Variants in DIP2A observed in about 807,000 individuals in gnomAD.
DIP2A encodes the protein DIP2 acetate--CoA ligase A.
DIP2A carries 85 observed loss-of-function variants against 177.4 expected under a neutral mutation model. The ratio of observed to expected loss-of-function variants is 0.48; its 90% CI spans 0.40 to 0.57. The LOEUF is 0.57. Ranked by LOEUF, DIP2A falls within the 20% of genes least tolerant of loss-of-function variation. The pLI is 0.00. For synonymous variants in DIP2A, 886 were observed against 881.8 expected (o/e 1.00, Z -0.08); for missense variants, 1,791 against 2,100.2 (o/e 0.85, Z 2.88).
At chr21:46,464,704 C>CT (rs1466424084) in intron 1 of DIP2A, among the ~76,000 whole-genome samples, 1 of 152,006 alleles carries the variant, frequency 6.6e-6, no homozygotes, top group African/African-American at 2.4e-5. Flanking sequence ...TTCCTGATAA[C>CT]TAACCTGTCC....
chr21:46,532,813 A>T (rs1238894952), intron 10 of DIP2A, among the ~76,000 whole-genome samples: 1 of 152,166 alleles, frequency 6.6e-6, no homozygotes, highest in African/African-American at 2.4e-5. Context: ...TGATATAACT[A>T]TCAATAATAT....
chr21:46,462,827 T>C (rs2054437930), intron 1 of DIP2A: 2 of 152,236 alleles, frequency 1.3e-5, no homozygotes, highest in Admixed American at 6.5e-5. Flanking sequence ...CTGTTGAAAG[T>C]ATCCTCTGCC....
In DIP2A at chr21:46,554,259, G is replaced by A. The variant is rs748347524; in HGVS notation, c.3121G>A (p.Val1041Ile). 1.1e-5 allele frequency: 17 copies of A among 1,613,842 alleles called. No homozygotes were observed. In the South Asian group the frequency reaches 1.8e-4, roughly 17 times the overall value. ...TCTGATGGAGAAGGGAAGACTGAGT[G>A]TTGGGGACCATGTGGCTCTGGTCTA... ...AALMEKGRLS[V>I]GDHVALVYPP... Residue 1041 changes from valine (V) to isoleucine (I), a missense_variant, in exon 26 of 38, where the codon GTT becomes ATT. By Grantham distance (29) the Val-to-Ile change is conservative. Coordinates refer to ENST00000417564, the MANE Select transcript of DIP2A (RefSeq NM_015151.4).
chr21:46,546,631 C>T (rs1462113523), intron 20 of DIP2A, among the ~76,000 whole-genome samples: 3 of 152,184 alleles, frequency 2.0e-5, no homozygotes, highest in Non-Finnish European at 4.4e-5. Context: ...GACGCTGCCC[C>T]AGCAGCCCCA....
chr21:46,565,692 C>T, intron 35 of DIP2A, 21 bp from the exon 36 acceptor site: 1 of 1,604,956 alleles, frequency 6.2e-7, no homozygotes, highest in South Asian at 1.1e-5. Flanking sequence ...ACATCACATT[C>T]TTGTCCTCTG....
intron 1 of DIP2A, among the ~76,000 whole-genome samples, chr21:46,467,133 A>G (rs1223916378): frequency 6.6e-6 from 1 of 151,800 alleles, no homozygotes; most frequent in African/African-American, 2.4e-5. Flanking sequence ...TGTCTCTACT[A>G]AAAATACAAA....
intron 33 of DIP2A, chr21:46,561,426 A>T (rs986706953): frequency 5.0e-6 from 2 of 397,604 alleles, no homozygotes; most frequent in Non-Finnish European, 9.5e-6. Context: ...GTATGGCCAC[A>T]CTGTAGCTTG....
intron 7 of DIP2A, among the ~76,000 whole-genome samples, chr21:46,510,627 CTTTTT>C (rs3060304): frequency 1.3e-3 from 134 of 105,676 alleles, no homozygotes; most frequent in East Asian, 4.6e-3. Flanking sequence ...ATCAAATAAT[CTTTTT>C]TTTTTTTTTT....
chr21:46,580,568 T>C, the DIP2A span, among the ~76,000 whole-genome samples: 1 of 152,246 alleles, frequency 6.6e-6, no homozygotes, highest in Admixed American at 6.5e-5. Context: ...AGTGTCTTTT[T>C]GTACAGGCTG....
In DIP2A at chr21:46,541,891, T is replaced by G; in HGVS notation, c.2172T>G (p.Pro724=). 1 of 1,614,034 alleles carries G rather than the reference T, an allele frequency of 6.2e-7. No homozygotes were observed. The highest frequency in any genetic ancestry group is 8.5e-7 in the Non-Finnish European group (1 of 1,179,886). Residue 724 remains proline, a synonymous_variant, in exon 18 of 38, where the codon CCT becomes CCG. Coordinates refer to ENST00000417564, the MANE Select transcript of DIP2A (RefSeq NM_015151.4). The part of the protein sequence containing the change: ...LTVQDVGQVM[P]GANVCVVKLE... The stretch of plus-strand genomic sequence containing the variant: ...TTCAGGACGTTGGTCAGGTGATGCC[T>G]GGAGGTAAGAGACATAACCAGAGTG...
intron 3 of DIP2A, among the ~76,000 whole-genome samples, chr21:46,494,915 A>T (rs116497653): frequency 0.014 from 2,114 of 152,184 alleles, 42 homozygotes; most frequent in African/African-American, 0.048. Flanking sequence ...CTGCTCCAGA[A>T]TCTGCCATTT....
chr21:46,539,805 G>A (rs2059733886), intron 16 of DIP2A, 72 bp from the exon 17 acceptor site: 3 of 1,284,998 alleles, frequency 2.3e-6, no homozygotes, highest in African/African-American at 1.5e-5. Flanking sequence ...GCTAACTTGA[G>A]CATGTCCAGC....
rs181900832 is a variant in DIP2A at position 46,554,375 on chromosome 21, C to G, written c.3154+83C>G. On this transcript the variant is annotated intron_variant, in intron 26 of 37. Transcript: ENST00000417564. ...AGCAGCCCCCTAGACACTCCCTCCC[C>G]GAAGCATCTTCCAAAACTAAGCTCA... The G allele has an allele frequency of 4.5e-6, 7 of 1,571,334 alleles. No homozygotes were observed. In the East Asian group the frequency reaches 6.8e-5, roughly 15 times the overall value.
Position 46,557,081 on chromosome 21 carries a change from G to T in DIP2A, c.3629+12G>T. On this transcript the variant is annotated intron_variant, in intron 30 of 37. Transcript: ENST00000417564. This position sits in a 1 kb window ranked among gnomAD's most constrained non-coding sequence, Gnocchi z 6.0. ...TGGTGTCTGTGCAGGTGAGTGCAGGGCCCCTGCTGCCTGCCAGGTGGGAGC... is the reference window on the plus strand; with the variant it reads ...TGGTGTCTGTGCAGGTGAGTGCAGGTCCCCTGCTGCCTGCCAGGTGGGAGC... 6.3e-7 allele frequency: 1 copy of T among 1,588,810 alleles called. No individual in the cohort carries two copies.
intron 1 of DIP2A, among the ~76,000 whole-genome samples, chr21:46,472,368 AGT>A (rs941289460): frequency 6.6e-6 from 1 of 152,206 alleles, no homozygotes; most frequent in African/African-American, 2.4e-5. Context: ...ACGGACACTC[AGT>A]GTGTCATCCT....
Position 46,567,592 on chromosome 21 carries a change from G to A in DIP2A, c.4686G>A (p.Leu1562=). 3 of 1,608,852 alleles carry A rather than the reference G, an allele frequency of 1.9e-6. No individual in the cohort carries two copies. The highest frequency in any genetic ancestry group is 2.5e-6 in the Non-Finnish European group (3 of 1,176,946). Residue 1562 remains leucine (L), a synonymous_variant, in exon 38 of 38, where the codon CTG becomes CTA. Coordinates refer to ENST00000417564, the MANE Select transcript of DIP2A (RefSeq NM_015151.4). Reference sequence around the variant, plus strand: ...GGGACGGCTTCCTGGCTGACCAGCTGGACCCCATCTATGTCGCCTACAACA... The same window carrying A: ...GGGACGGCTTCCTGGCTGACCAGCTAGACCCCATCTATGTCGCCTACAACA... ...HLRDGFLADQ[L]DPIYVAYNM is the part of the protein sequence containing the mutation.
intron 33 of DIP2A, 118 bp downstream of exon 33, chr21:46,560,901 C>G: frequency 1.3e-6 from 2 of 1,497,982 alleles, no homozygotes; most frequent in Non-Finnish European, 1.8e-6. Context: ...GGGGCCAAGT[C>G]AGGCCTACCG....
At position 46,458,995 on chromosome 21, in the gene DIP2A, C is replaced by G. The variant is rs2054025031; in HGVS notation, c.-137C>G. The G allele has an allele frequency of 2.9e-6, 2 of 692,052 alleles. No individual in the cohort carries two copies. The highest frequency in any genetic ancestry group is 4.3e-6 in the Non-Finnish European group (2 of 467,602). 42.9% of individuals were successfully genotyped at this position (692,052 alleles called of 1,614,324 possible). ...GTGCGTTGCTGTCCTGGCCGCGCCC[C>G]TGTCCCGCCGCCTCCCGCTCCTCGC... is the stretch of plus-strand genomic sequence containing the variant. On this transcript the variant is annotated 5_prime_UTR_variant, in exon 1 of 38. Transcript: ENST00000417564.
At chr21:46,531,773 C>G (rs2059367413) in intron 9 of DIP2A, among the ~76,000 whole-genome samples, 1 of 152,242 alleles carries the variant, frequency 6.6e-6, no homozygotes, top group African/African-American at 2.4e-5. Context: ...TTATAGGTTA[C>G]ATTCTGGGCA....
Sources: gnomAD v4.1 joint callset for allele counts (sites outside exome capture counted in the v4.1 genomes callset) on GRCh38, gnomAD v4.1.1 for gene constraint, Gnocchi (gnomAD v3.1) non-coding constraint, MANE v1.5 for transcripts, NCBI Gene and HGNC (gene_info 2026-07-23, HGNC 2026-07-21) for gene names.